Variants in ADAMTSL3 observed in about 807,000 individuals in gnomAD.
ADAMTSL3 encodes the protein ADAMTS like 3, also known as ADAMTS-like protein 3.
In ADAMTSL3, 128 loss-of-function variants were observed where a neutral mutation model predicts 201.7. The ratio of observed to expected loss-of-function variants is 0.63; its 90% CI spans 0.55 to 0.73. The LOEUF is 0.73. Among genes scored for constraint, ADAMTSL3 ranks in the 30% least tolerant of loss-of-function variants. The pLI, the probability that ADAMTSL3 is intolerant of heterozygous loss-of-function variation, is 0.00. For missense variants in ADAMTSL3, 1,990 were observed against 2,119.6 expected (o/e 0.94, Z 1.20); for synonymous variants, 738 against 748.4 (o/e 0.99, Z 0.23).
intron 3 of ADAMTSL3, among the ~76,000 whole-genome samples, chr15:83,739,399 C>A (rs1453174059): frequency 6.7e-6 from 1 of 149,670 alleles, no homozygotes; most frequent in African/African-American, 2.5e-5. Flanking sequence ...AAATTCCATA[C>A]CTGATGTCAT....
intron 13 of ADAMTSL3, 69 bp from the exon 14 acceptor site, chr15:83,897,789 A>C: frequency 6.7e-7 from 1 of 1,492,726 alleles, no homozygotes; most frequent in Non-Finnish European, 9.0e-7. Context: ...TCTCCTTTGC[A>C]TTCGATAAAA....
At chr15:83,686,944 G>A (rs1415031972) in intron 2 of ADAMTSL3, among the ~76,000 whole-genome samples, 3 of 152,140 alleles carry the variant, frequency 2.0e-5, no homozygotes, top group Admixed American at 6.5e-5. Flanking sequence ...TAATTCCAGT[G>A]CTTTGAGGGG....
intron 8 of ADAMTSL3, among the ~76,000 whole-genome samples, chr15:83,863,648 C>T (rs1173593828): frequency 6.6e-6 from 1 of 152,074 alleles, no homozygotes; most frequent in Non-Finnish European, 1.5e-5. Context: ...ACTAAATGCC[C>T]ACAAGAGAAA....
rs78475169 is a variant in ADAMTSL3 at position 83,855,795 on chromosome 15, G to A, written c.728-2971G>A. On this transcript the variant is annotated intron_variant, in intron 7 of 29. Transcript: ENST00000286744. ...TTTTTACTGATTTTATGGAGGAGAG[G>A]ATTTTTCAGAAGTCTTTATCACTTT... Among the ~76,000 whole-genome samples, 1,152 of 152,208 alleles carry A rather than the reference G, an allele frequency of 7.6e-3. 10 individuals are homozygous for A. Among genetic ancestry groups the A allele is most frequent in the African/African-American group, 0.026 (1,066 of 41,532 alleles).
At chr15:84,005,422 T>A (rs72748655) in intron 23 of ADAMTSL3, among the ~76,000 whole-genome samples, 3,529 of 152,336 alleles carry the variant, frequency 0.023, 39 homozygotes, top group Non-Finnish European at 0.035. Flanking sequence ...CTGGAATCAG[T>A]AGTTTACACC....
At chr15:83,692,176 A>G (rs943515443) in intron 2 of ADAMTSL3, among the ~76,000 whole-genome samples, 5 of 151,840 alleles carry the variant, frequency 3.3e-5, no homozygotes, top group Non-Finnish European at 5.9e-5. Context: ...TATGACTCCA[A>G]TATGGCTTTG....
At chr15:83,722,132 A>G (rs1174646600) in intron 3 of ADAMTSL3, among the ~76,000 whole-genome samples, 3 of 152,226 alleles carry the variant, frequency 2.0e-5, no homozygotes, top group Admixed American at 6.5e-5. Context: ...GATGAAAGGC[A>G]TAGTTTCCAA....
intron 5 of ADAMTSL3, among the ~76,000 whole-genome samples, chr15:83,815,113 C>T (rs910891000): frequency 1.3e-5 from 2 of 152,168 alleles, no homozygotes; most frequent in African/African-American, 4.8e-5. Flanking sequence ...TCCTTCTCCT[C>T]CTCTTTCTTC....
At chr15:83,729,259 C>G (rs1723608196) in intron 3 of ADAMTSL3, among the ~76,000 whole-genome samples, 3 of 151,918 alleles carry the variant, frequency 2.0e-5, no homozygotes. Context: ...GCTTGGTGTT[C>G]TATAAGCTTC....
chr15:83,788,668 G>A (rs1053012415), intron 4 of ADAMTSL3, among the ~76,000 whole-genome samples: 2 of 152,026 alleles, frequency 1.3e-5, no homozygotes, highest in Non-Finnish European at 2.9e-5. Flanking sequence ...ATTTCCTAAC[G>A]TTATGCCTTG....
chr15:83,968,889 A>T (rs934935459), intron 19 of ADAMTSL3, among the ~76,000 whole-genome samples: 1 of 152,198 alleles, frequency 6.6e-6, no homozygotes, highest in African/African-American at 2.4e-5. Flanking sequence ...CATTCTCAGC[A>T]AACTAACACA....
At chr15:83,808,546 A>G (rs1337816037) in intron 5 of ADAMTSL3, among the ~76,000 whole-genome samples, 1 of 152,252 alleles carries the variant, frequency 6.6e-6, no homozygotes, top group African/African-American at 2.4e-5. Flanking sequence ...AAATTAGTTC[A>G]GTGTTTGTGG....
rs540763767 is a variant in ADAMTSL3 at position 83,786,897 on chromosome 15, A to T, written c.317+13247A>T. Among the ~76,000 whole-genome samples, 430 of 152,222 alleles carry T rather than the reference A, an allele frequency of 2.8e-3. 1 individual carries two copies. The highest frequency in any genetic ancestry group is 4.4e-3 in the Non-Finnish European group (302 of 68,008). On this transcript the variant is annotated intron_variant, in intron 4 of 29. Coordinates refer to ENST00000286744, the MANE Select transcript of ADAMTSL3 (RefSeq NM_207517.3). Reference sequence around the variant, plus strand: ...GTACTAAAATTGTTGGCAAATTAGGACCTGTTTTTGAGAAGGGATAATGAC... The same window carrying T: ...GTACTAAAATTGTTGGCAAATTAGGTCCTGTTTTTGAGAAGGGATAATGAC...
At chr15:83,763,663 C>T (rs991205612) in intron 3 of ADAMTSL3, among the ~76,000 whole-genome samples, 2 of 152,060 alleles carry the variant, frequency 1.3e-5, no homozygotes, top group African/African-American at 4.8e-5. Flanking sequence ...CACCACCATG[C>T]CTGGCTAATT....
intron 17 of ADAMTSL3, among the ~76,000 whole-genome samples, chr15:83,933,075 C>T (rs532457617): frequency 1.3e-5 from 2 of 152,228 alleles, no homozygotes; most frequent in East Asian, 3.9e-4. Context: ...CAAATATTGG[C>T]AGTTTATATG....
At chr15:84,026,711 A>G (rs1016586021) in intron 27 of ADAMTSL3, among the ~76,000 whole-genome samples, 1 of 152,208 alleles carries the variant, frequency 6.6e-6, no homozygotes, top group Non-Finnish European at 1.5e-5. Context: ...AGTCTTTTAA[A>G]CAAGTGATGC....
At chr15:83,712,438 G>T (rs186799978) in intron 3 of ADAMTSL3, among the ~76,000 whole-genome samples, 2 of 152,322 alleles carry the variant, frequency 1.3e-5, no homozygotes, top group East Asian at 3.9e-4. Context: ...CACGGCTAAG[G>T]TGGGGGGTTG....
At chr15:83,910,868 G>C (rs1162019147) in intron 15 of ADAMTSL3, among the ~76,000 whole-genome samples, 5 of 150,082 alleles carry the variant, frequency 3.3e-5, no homozygotes, top group Non-Finnish European at 7.4e-5. Context: ...TCGAACTCCT[G>C]ACCTCAGGTG....
At chr15:83,748,236 G>A (rs911541134) in intron 3 of ADAMTSL3, among the ~76,000 whole-genome samples, 5 of 152,174 alleles carry the variant, frequency 3.3e-5, no homozygotes, top group African/African-American at 1.2e-4. Flanking sequence ...AAAGAAGAAT[G>A]ACATATTAGT....
Sources: gnomAD v4.1 joint callset for allele counts (sites outside exome capture counted in the v4.1 genomes callset) on GRCh38, gnomAD v4.1.1 for gene constraint, MANE v1.5 for transcripts, NCBI Gene and HGNC (gene_info 2026-07-23, HGNC 2026-07-21) for gene names.